Variants in ZNF860 observed in about 807,000 individuals in gnomAD.
The protein encoded by ZNF860 is zinc finger protein 860.
For missense variants in ZNF860, 641 were observed against 759.2 expected, an observed-to-expected ratio of 0.84 and a Z score of 1.83; for synonymous variants, 206 against 248.9, an observed-to-expected ratio of 0.83 and a Z score of 1.62.
At chr3:31,982,123 CA>C in intron 1 of ZNF860, among the ~76,000 whole-genome samples, 1 of 152,170 alleles carries the variant, frequency 6.6e-6, no homozygotes, top group African/African-American at 2.4e-5. Flanking sequence ...ACTGCACGTG[CA>C]CCTAGGAGCA....
At chr3:31,999,693 A>AT in the ZNF860 span, among the ~76,000 whole-genome samples, 52 of 152,180 alleles carry the variant, frequency 3.4e-4, no homozygotes, top group Non-Finnish European at 6.2e-4. Flanking sequence ...TTTGCCATTC[A>AT]TAAGTTTTGC....
chr3:31,997,215 G>A, the ZNF860 span, among the ~76,000 whole-genome samples: 1 of 152,018 alleles, frequency 6.6e-6, no homozygotes, highest in South Asian at 2.1e-4. Flanking sequence ...ATGTCAATAG[G>A]CAGTGTTTAA....
chr3:32,002,174 G>T, the ZNF860 span, among the ~76,000 whole-genome samples: 1 of 151,936 alleles, frequency 6.6e-6, no homozygotes, highest in Non-Finnish European at 1.5e-5. Context: ...TCATTTACTC[G>T]CCCATTCAAC....
downstream of ZNF860, among the ~76,000 whole-genome samples, chr3:31,994,917 C>T (rs1018117669): frequency 6.6e-6 from 1 of 152,170 alleles, no homozygotes; most frequent in Non-Finnish European, 1.5e-5. Flanking sequence ...AATTTTACAG[C>T]TGGGCTGCCA....
chr3:31,997,821 G>A, the ZNF860 span, among the ~76,000 whole-genome samples: 13 of 151,948 alleles, frequency 8.6e-5, no homozygotes, highest in African/African-American at 2.2e-4. Flanking sequence ...TTACTCTGTC[G>A]CCCAGGCAGG....
chr3:32,002,173 C>T, the ZNF860 span, among the ~76,000 whole-genome samples: 10 of 152,120 alleles, frequency 6.6e-5, no homozygotes, highest in East Asian at 3.9e-4. Flanking sequence ...TTCATTTACT[C>T]GCCCATTCAA....
chr3:31,984,861 T>C (rs1360841303), intron 1 of ZNF860, among the ~76,000 whole-genome samples: 2 of 152,226 alleles, frequency 1.3e-5, no homozygotes, highest in Non-Finnish European at 2.9e-5. Context: ...AAGGACAGCT[T>C]ACAGGTTAGA....
At chr3:32,003,201 C>A in the ZNF860 span, among the ~76,000 whole-genome samples, 2 of 152,218 alleles carry the variant, frequency 1.3e-5, no homozygotes, top group African/African-American at 4.8e-5. Context: ...GTAACACTTA[C>A]ATCAGAACTT....
In ZNF860 at chr3:31,991,520, AGT is replaced by A. The variant is rs1190547901; in HGVS notation, c.*545_*546del. ...TACTGTAAGTTCTCTAGCAAATGGAAGTGTTTTCTTAATTTTCTTTTAACATT... is the reference window on the plus strand; with the variant it reads ...TACTGTAAGTTCTCTAGCAAATGGAAGTTTTCTTAATTTTCTTTTAACATT... On this transcript the variant is annotated 3_prime_UTR_variant, in exon 2 of 2. Transcript: ENST00000360311. 36 of 166,820 alleles carry A rather than the reference AGT, an allele frequency of 2.2e-4. No homozygotes were observed. The Admixed American group carries it at 2.4e-3, about 11-fold the overall frequency. 10.3% of individuals were successfully genotyped at this position (166,820 alleles called of 1,614,324 possible). A position where few individuals can be genotyped will look rare whatever the true frequency, so the allele number is the denominator to read the frequency against.
rs574390239 is a variant in ZNF860, at chr3:31,990,355, T to G, written c.1276T>G (p.Tyr426Asp). ...HWRIHNEERS[Y>D]KCNKCGKFFR... ...GAGAATCCATAATGAAGAGAGATCTTACAAGTGTAATAAATGTGGCAAATT... is the reference window on the plus strand; with the variant it reads ...GAGAATCCATAATGAAGAGAGATCTGACAAGTGTAATAAATGTGGCAAATT... Residue 426 changes from tyrosine to aspartate, a missense_variant, in exon 2 of 2, where the codon TAC (tyrosine) becomes GAC (aspartate). Physicochemically the swap from Tyr to Asp is radical, Grantham distance 160. Transcript: ENST00000360311. 1.2e-6 allele frequency: 2 copies of G among 1,614,112 alleles called. No homozygotes were observed. Among genetic ancestry groups the G allele is most frequent in the Admixed American group, 3.3e-5 (2 of 60,010 alleles).
At position 31,989,201 on chromosome 3, in the gene ZNF860, T is replaced by C. The variant is rs780431038; in HGVS notation, c.122T>C (p.Leu41Pro). 8 of 1,614,184 alleles carry C rather than the reference T, an allele frequency of 5.0e-6. No individual in the cohort carries two copies. Among genetic ancestry groups the C allele is most frequent in the Middle Eastern group, 1.6e-4 (1 of 6,062 alleles). Reference sequence around the variant, plus strand: ...TTCTCTTTGGAGGAGTGGAAATGCCTGGACCCTACGCAGAGGGCTTTATAC... The same window carrying C: ...TTCTCTTTGGAGGAGTGGAAATGCCCGGACCCTACGCAGAGGGCTTTATAC... ...IEFSLEEWKC[L>P]DPTQRALYRA... The change falls in exon 2 of 2, where the codon CTG becomes CCG. Residue 41 changes from leucine (L) to proline (P), a missense_variant. Transcript: ENST00000360311.
chr3:31,990,215 T>TG lies in ZNF860; in HGVS notation c.1136_1137insG (p.Phe379LeufsTer2), dbSNP rs1253413571. 1 of 1,613,906 alleles carries TG rather than the reference T, an allele frequency of 6.2e-7. No individual in the cohort carries two copies. ...AAGTGTAATGAGTGTGGCAAAGCCTTTAGTGGGCAGTCAACACTTATTCAC... is the reference window on the plus strand; with the variant it reads ...AAGTGTAATGAGTGTGGCAAAGCCTTGTAGTGGGCAGTCAACACTTATTCAC... On this transcript the variant is annotated frameshift_variant, in exon 2 of 2. Transcript: ENST00000360311. LOFTEE classifies it low-confidence loss of function (END_TRUNC).
chr3:31,989,185 G>A lies in ZNF860; in HGVS notation c.106G>A (p.Glu36Lys). ...GGATGTGGCTATAGAATTCTCTTTG[G>A]AGGAGTGGAAATGCCTGGACCCTAC... The part of the protein sequence containing the change: ...FRDVAIEFSL[E>K]EWKCLDPTQR... Residue 36 changes from glutamate to lysine, a missense_variant, in exon 2 of 2, where the codon GAG (glutamate) becomes AAG (lysine). Coordinates refer to ENST00000360311, the MANE Select transcript of ZNF860 (RefSeq NM_001137674.3). 1.2e-6 allele frequency: 2 copies of A among 1,614,136 alleles called. No homozygotes were observed. Among genetic ancestry groups the A allele is most frequent in the Non-Finnish European group, 8.5e-7 (1 of 1,180,028 alleles).
intron 1 of ZNF860, among the ~76,000 whole-genome samples, chr3:31,986,807 C>G (rs1325313538): frequency 6.6e-6 from 1 of 151,982 alleles, no homozygotes; most frequent in African/African-American, 2.4e-5. Context: ...GAGTTCCAGA[C>G]CAGCCTGGGC....
At chr3:31,998,445 C>T in the ZNF860 span, among the ~76,000 whole-genome samples, 1 of 152,076 alleles carries the variant, frequency 6.6e-6, no homozygotes, top group South Asian at 2.1e-4. Flanking sequence ...GATGGTTGTC[C>T]CCCAGCATCA....
chr3:32,000,363 A>T, the ZNF860 span, among the ~76,000 whole-genome samples: 1 of 152,208 alleles, frequency 6.6e-6, no homozygotes, highest in Non-Finnish European at 1.5e-5. Context: ...GTTTAGGATC[A>T]GACTGCCTCC....
rs1403025080 is a variant in ZNF860, at chr3:31,990,499, G to A, written c.1420G>A (p.Ala474Thr). The change falls in exon 2 of 2, where the codon GCA (alanine) becomes ACA (threonine). Residue 474 changes from alanine (A) to threonine (T), a missense_variant. By Grantham distance (58) the Ala-to-Thr change is moderately conservative (BLOSUM62 0). Coordinates refer to ENST00000360311, the MANE Select transcript of ZNF860 (RefSeq NM_001137674.3). The stretch of plus-strand genomic sequence containing the variant: ...CAATTCAGCCCTTGTAATTCATAAG[G>A]CAATTCATACTGGAGAGAAACCTTA... ...HHNSALVIHKAIHTGEKPYKC... is the reference protein window; with the variant it reads ...HHNSALVIHKTIHTGEKPYKC... 6.6e-7 allele frequency: 1 copy of A among 1,518,366 alleles called. No individual in the cohort carries two copies. Among genetic ancestry groups the A allele is most frequent in the Non-Finnish European group, 8.8e-7 (1 of 1,140,104 alleles). 94.1% of individuals were successfully genotyped at this position (1,518,366 alleles called of 1,614,324 possible).
intron 1 of ZNF860, among the ~76,000 whole-genome samples, chr3:31,982,743 T>C (rs1175977922): frequency 6.6e-6 from 1 of 152,218 alleles, no homozygotes; most frequent in Non-Finnish European, 1.5e-5. Context: ...AAATTACCTC[T>C]TTTAGCCTTA....
downstream of ZNF860, among the ~76,000 whole-genome samples, chr3:31,992,111 A>C (rs539299938): frequency 2.7e-5 from 4 of 149,838 alleles, no homozygotes; most frequent in African/African-American, 9.9e-5. Flanking sequence ...GCCCCACTGC[A>C]CTCCAACCTA....
Sources: allele counts gnomAD v4.1 joint callset (sites outside exome capture counted in the v4.1 genomes callset), GRCh38; gene constraint gnomAD v4.1.1; transcripts MANE v1.5; gene names NCBI Gene and HGNC (gene_info 2026-07-23, HGNC 2026-07-21).